The following CPA6 variants were observed in gnomAD, a reference collection of about 807,000 sequenced individuals.
CPA6 encodes carboxypeptidase A6, also known as carboxypeptidase B.
In CPA6, 58 loss-of-function variants were observed where a neutral mutation model predicts 63.3. That is an observed-to-expected ratio of 0.92 (90% confidence interval 0.74 to 1.14). CPA6 has a LOEUF of 1.14. Ranked by LOEUF, CPA6 falls within the 50% of genes most tolerant of loss-of-function variation. The probability of loss-of-function intolerance (pLI) is 0.00; values close to 1 mark genes in which losing one functional copy is unlikely to be tolerated. For missense variants in CPA6, 565 were observed against 526.6 expected (o/e 1.07, Z -0.71); for synonymous variants, 185 against 179.0 (o/e 1.03, Z -0.27).
At chr8:67,617,109 A>T (rs1814974621) in intron 2 of CPA6, among the ~76,000 whole-genome samples, 1 of 152,218 alleles carries the variant, frequency 6.6e-6, no homozygotes, top group Non-Finnish European at 1.5e-5. Context: ...ATCAGCTTAA[A>T]ATACTACTGC....
At chr8:67,444,268 G>T (rs1259029388) in intron 8 of CPA6, among the ~76,000 whole-genome samples, 1 of 152,006 alleles carries the variant, frequency 6.6e-6, no homozygotes, top group Admixed American at 6.5e-5. Context: ...GATTACAGGC[G>T]TGAGCCACCG....
At chr8:67,516,348 T>A (rs113407818) in intron 3 of CPA6, among the ~76,000 whole-genome samples, 2 of 152,348 alleles carry the variant, frequency 1.3e-5, no homozygotes, top group Admixed American at 6.5e-5. Context: ...GAATGAGGTA[T>A]CCTTCCTACT....
At chr8:67,524,680 C>T (rs371098538) in intron 2 of CPA6, among the ~76,000 whole-genome samples, 1 of 151,226 alleles carries the variant, frequency 6.6e-6, no homozygotes, top group Admixed American at 6.6e-5. Flanking sequence ...CTCGGACATA[C>T]CTTTTTTGAG....
chr8:67,613,186 C>T (rs1277432610), intron 2 of CPA6, among the ~76,000 whole-genome samples: 1 of 152,170 alleles, frequency 6.6e-6, no homozygotes, highest in Admixed American at 6.5e-5. Context: ...TTTCATGATA[C>T]CTGTTTGCTC....
intron 2 of CPA6, among the ~76,000 whole-genome samples, chr8:67,538,384 A>G (rs1812632912): frequency 6.6e-6 from 1 of 151,958 alleles, no homozygotes; most frequent in Non-Finnish European, 1.5e-5. Context: ...TTGGGTGCAT[A>G]TATATTTAGG....
chr8:67,454,658 C>T lies in CPA6; in HGVS notation c.839-20418G>A, dbSNP rs560964942. Among the ~76,000 whole-genome samples the T allele has an allele frequency of 6.6e-5, 10 of 152,318 alleles. No homozygotes were observed. In the South Asian group the frequency reaches 2.1e-3, roughly 32 times the overall value. ...CTGAAAGAGACAAAATTCTCTTTCTCATCTTCACATGCAGAACAACTGCGG... is the reference window on the plus strand; with the variant it reads ...CTGAAAGAGACAAAATTCTCTTTCTTATCTTCACATGCAGAACAACTGCGG... On this transcript the variant is annotated intron_variant, in intron 8 of 10. Transcript: ENST00000297770.
At chr8:67,709,028 A>G (rs146543612) in intron 1 of CPA6, among the ~76,000 whole-genome samples, 2 of 152,308 alleles carry the variant, frequency 1.3e-5, no homozygotes, top group African/African-American at 4.8e-5. Flanking sequence ...AGCTCTCGGG[A>G]GTTGGGAAAG....
intron 1 of CPA6, among the ~76,000 whole-genome samples, chr8:67,684,577 C>T (rs1816672003): frequency 6.6e-6 from 1 of 152,182 alleles, no homozygotes; most frequent in South Asian, 2.1e-4. Context: ...TACCCGGCCT[C>T]TCTCCAGCTC....
Position 67,475,872 on chromosome 8 carries a change from TTTCTTTCTCC to T in CPA6, c.838+7886_838+7895del, listed in dbSNP as rs1811202326. 2.2e-4 allele frequency among the ~76,000 whole-genome samples: 20 copies of T among 90,458 alleles called. 1 individual carries two copies. The highest frequency in any genetic ancestry group is 6.7e-4 in the African/African-American group (15 of 22,474). 59.3% of individuals were successfully genotyped at this position (90,458 alleles called of 152,430 possible). On this transcript the variant is annotated intron_variant, in intron 8 of 10. Transcript: ENST00000297770. ...CTTTCTTTCTTTCTTTCTTTCTTTC[TTTCTTTCTCC>T]TTTCTTTCTTTCTTTCTTTCTTTCT... is the stretch of plus-strand genomic sequence containing the variant.
intron 2 of CPA6, among the ~76,000 whole-genome samples, chr8:67,570,593 G>C (rs138512045): frequency 6.6e-6 from 1 of 152,174 alleles, no homozygotes; most frequent in South Asian, 2.1e-4. Flanking sequence ...GTTTAGAGTT[G>C]TACGCAATAA....
intron 1 of CPA6, among the ~76,000 whole-genome samples, chr8:67,709,577 T>C (rs1817210748): frequency 6.6e-6 from 1 of 152,136 alleles, no homozygotes; most frequent in Admixed American, 6.5e-5. Flanking sequence ...CTCTGTAAAA[T>C]TTTTAGAGTT....
At chr8:67,682,129 C>T (rs1266298150) in intron 1 of CPA6, among the ~76,000 whole-genome samples, 1 of 151,580 alleles carries the variant, frequency 6.6e-6, no homozygotes, top group African/African-American at 2.4e-5. Flanking sequence ...TTTTTTCAAG[C>T]TTCTTGTACT....
At chr8:67,692,990 A>G (rs1816842955) in intron 1 of CPA6, among the ~76,000 whole-genome samples, 1 of 152,230 alleles carries the variant, frequency 6.6e-6, no homozygotes. Flanking sequence ...GCAAGCAGGA[A>G]GAGAAACCTG....
At chr8:67,507,868 G>C (rs1039514027) in intron 5 of CPA6, among the ~76,000 whole-genome samples, 1 of 152,152 alleles carries the variant, frequency 6.6e-6, no homozygotes, top group Non-Finnish European at 1.5e-5. Context: ...TCCTGGAAGA[G>C]AATCTGAGCG....
At chr8:67,440,241 T>C (rs1351690409) in intron 8 of CPA6, among the ~76,000 whole-genome samples, 2 of 152,124 alleles carry the variant, frequency 1.3e-5, no homozygotes, top group African/African-American at 2.4e-5. Flanking sequence ...TCTTGGTTTG[T>C]GGATGCATTC....
At chr8:67,451,169 G>A (rs1470084220) in intron 8 of CPA6, among the ~76,000 whole-genome samples, 2 of 152,032 alleles carry the variant, frequency 1.3e-5, no homozygotes, top group African/African-American at 2.4e-5. Flanking sequence ...GCCATGAACC[G>A]GTACCAGTCC....
chr8:67,655,858 C>T (rs556455668), intron 1 of CPA6, among the ~76,000 whole-genome samples: 16 of 152,148 alleles, frequency 1.1e-4, no homozygotes, highest in Non-Finnish European at 1.8e-4. Flanking sequence ...AAGACAGTAT[C>T]TGAAAAAGGA....
At chr8:67,516,327 TCA>T (rs1404111040) in intron 3 of CPA6, among the ~76,000 whole-genome samples, 7 of 152,348 alleles carry the variant, frequency 4.6e-5, no homozygotes, top group African/African-American at 1.2e-4. Context: ...ATTTATCTCT[TCA>T]GTTTTAGAGA....
intron 2 of CPA6, among the ~76,000 whole-genome samples, chr8:67,529,848 T>G (rs1332364394): frequency 6.6e-6 from 1 of 152,174 alleles, no homozygotes; most frequent in Non-Finnish European, 1.5e-5. Flanking sequence ...GTTCTAGCCA[T>G]GTATGCCAGT....
Sources: allele counts gnomAD v4.1 joint callset (sites outside exome capture counted in the v4.1 genomes callset), GRCh38; gene constraint gnomAD v4.1.1; transcripts MANE v1.5; gene names NCBI Gene and HGNC (gene_info 2026-07-23, HGNC 2026-07-21).